Variants in AKAP9 observed in about 807,000 individuals in gnomAD.
The protein encoded by AKAP9 is A-kinase anchor protein 9.
A neutral mutation model predicts 488.5 loss-of-function variants in AKAP9; 311 were observed. That is an observed-to-expected ratio of 0.64 (90% CI 0.58 to 0.70). The LOEUF is 0.70. Ranked by LOEUF, AKAP9 falls within the 30% of genes least tolerant of loss-of-function variation. The pLI is 0.00. For missense variants in AKAP9, 4,215 were observed against 4,374.5 expected, an observed-to-expected ratio of 0.96 and a Z score of 1.03; for synonymous variants, 1,462 against 1,483.5, an observed-to-expected ratio of 0.99 and a Z score of 0.33.
At chr7:92,050,559 T>C (rs2130800960) in intron 21 of AKAP9, among the ~76,000 whole-genome samples, 1 of 152,264 alleles carries the variant, frequency 6.6e-6, no homozygotes, top group East Asian at 1.9e-4. Context: ...CTTGAAGCCG[T>C]CTCTTTTTGT....
chr7:92,052,899 T>A lies in AKAP9; in HGVS notation c.5542T>A (p.Ser1848Thr). ...TGAAGAACTTATGCTGAACATTAGC[T>A]CTCGACTACAAGCAGCAGTTGAAAA... ...ENEELMLNIS[S>T]RLQAAVEKLL... Residue 1848 changes from serine (S) to threonine (T), a missense_variant, in exon 22 of 50, where the codon TCT becomes ACT. This residue lies in a region of AKAP9 where 2,361 missense variants were observed against 2,430.0 expected (regional missense o/e 0.97). Transcript: ENST00000356239. 6.2e-7 allele frequency: 1 copy of A among 1,613,750 alleles called. No individual in the cohort carries two copies. Among genetic ancestry groups the A allele is most frequent in the Non-Finnish European group, 8.5e-7 (1 of 1,179,840 alleles).
intron 45 of AKAP9, among the ~76,000 whole-genome samples, chr7:92,102,178 T>A (rs867484130): frequency 0.015 from 1,996 of 135,658 alleles, 23 homozygotes; most frequent in Middle Eastern, 0.036. Context: ...AAAAAATAAA[T>A]AAATAAATAA....
At chr7:92,099,253 C>T (rs528387015) in intron 43 of AKAP9, among the ~76,000 whole-genome samples, 64 of 152,288 alleles carry the variant, frequency 4.2e-4, no homozygotes, top group African/African-American at 1.3e-3. Context: ...GCATTTCTTA[C>T]CTGGCTGTTG....
At chr7:92,072,728 A>G (rs1472797058) in intron 28 of AKAP9, among the ~76,000 whole-genome samples, 1 of 152,212 alleles carries the variant, frequency 6.6e-6, no homozygotes, top group Non-Finnish European at 1.5e-5. Flanking sequence ...GATACGTTCC[A>G]TAGGTTTTAG....
intron 37 of AKAP9, among the ~76,000 whole-genome samples, chr7:92,086,938 G>A (rs1454308465): frequency 6.6e-6 from 1 of 152,040 alleles, no homozygotes; most frequent in Non-Finnish European, 1.5e-5. Flanking sequence ...TCTCCTTAAG[G>A]CACATCACAG....
rs143041539 is a variant in AKAP9, at chr7:91,961,955, G to A, written c.49-11756G>A. On this transcript the variant is annotated intron_variant, in intron 1 of 49. Transcript: ENST00000356239. ...TTGAGATCCGAACCAGTTTTGAAAG[G>A]CAATTATATATGGACATAATATCTT... is the stretch of plus-strand genomic sequence containing the variant. Among the ~76,000 whole-genome samples, 583 of 151,928 alleles carry A rather than the reference G, an allele frequency of 3.8e-3. 3 individuals carry two copies. The highest frequency in any genetic ancestry group is 0.014 in the African/African-American group (561 of 41,526).
At chr7:92,009,675 A>G (rs928916189) in intron 8 of AKAP9, among the ~76,000 whole-genome samples, 2 of 152,236 alleles carry the variant, frequency 1.3e-5, no homozygotes, top group Non-Finnish European at 2.9e-5. Context: ...CTGGTACAAT[A>G]TTGATACGAA....
At chr7:92,007,589 C>T (rs971111708) in intron 8 of AKAP9, among the ~76,000 whole-genome samples, 1 of 152,178 alleles carries the variant, frequency 6.6e-6, no homozygotes, top group Admixed American at 6.5e-5. Flanking sequence ...TGAAAAGTCT[C>T]ATTTCTGAGT....
chr7:92,025,240 T>G (rs1802927395), intron 14 of AKAP9, among the ~76,000 whole-genome samples: 2 of 152,200 alleles, frequency 1.3e-5, no homozygotes, highest in Admixed American at 1.3e-4. Flanking sequence ...GTCCAAAGCA[T>G]GAAGAAAAGA....
chr7:91,950,522 G>T (rs1157757317), intron 1 of AKAP9, among the ~76,000 whole-genome samples: 3 of 152,192 alleles, frequency 2.0e-5, no homozygotes, highest in Admixed American at 6.5e-5. Flanking sequence ...GAGCCACAAC[G>T]TCCAGGCTAG....
rs762879020 is a variant in AKAP9, at chr7:92,096,940, G to A, written c.9981G>A (p.Gln3327=). Reference sequence around the variant, plus strand: ...AGCGGGAATTGCACGCACAGCTGCAGAGCAGTGATGGTACTGGACAGTCTC... The same window carrying A: ...AGCGGGAATTGCACGCACAGCTGCAAAGCAGTGATGGTACTGGACAGTCTC... ...DRERELHAQL[Q]SSDGTGQSRP... The change falls in exon 41 of 50, where the codon CAG becomes CAA. Residue 3327 remains glutamine, a synonymous_variant. Coordinates refer to ENST00000356239, the MANE Select transcript of AKAP9 (RefSeq NM_005751.5). The A allele has an allele frequency of 6.2e-7, 1 of 1,614,216 alleles. No homozygotes were observed. Among genetic ancestry groups the A allele is most frequent in the South Asian group, 1.1e-5 (1 of 91,088 alleles).
At chr7:92,032,559 G>A (rs1584234898) in intron 16 of AKAP9, among the ~76,000 whole-genome samples, 1 of 150,110 alleles carries the variant, frequency 6.7e-6, no homozygotes, top group Admixed American at 6.6e-5. Context: ...TGCTTTTTTT[G>A]TATAATATTT....
At chr7:92,014,183 G>A (rs1801178360) in intron 9 of AKAP9, 66 bp from the exon 10 acceptor site, 1 of 1,135,386 alleles carries the variant, frequency 8.8e-7, no homozygotes, top group East Asian at 2.4e-5. Flanking sequence ...TGAAACATAA[G>A]TTAAATATGA....
intron 1 of AKAP9, among the ~76,000 whole-genome samples, chr7:91,947,589 C>T (rs1378332768): frequency 6.6e-6 from 1 of 152,190 alleles, no homozygotes; most frequent in Non-Finnish European, 1.5e-5. Context: ...ATCCGTCCAC[C>T]TTGGCCTCCC....
intron 29 of AKAP9, 87 bp from the exon 30 acceptor site, chr7:92,077,609 G>A (rs987544523): frequency 8.0e-5 from 92 of 1,143,884 alleles, no homozygotes; most frequent in South Asian, 3.4e-4. Flanking sequence ...TCATTTGTAC[G>A]TTATAGGCTC....
At chr7:91,993,864 T>C (rs753938795) in intron 5 of AKAP9, among the ~76,000 whole-genome samples, 8 of 152,226 alleles carry the variant, frequency 5.3e-5, no homozygotes, top group Non-Finnish European at 1.0e-4. Flanking sequence ...CATGGTGGCT[T>C]ATGCCTGTAA....
intron 39 of AKAP9, among the ~76,000 whole-genome samples, chr7:92,094,115 T>C (rs1050666481): frequency 3.3e-5 from 5 of 151,996 alleles, no homozygotes; most frequent in African/African-American, 1.2e-4. Flanking sequence ...CCTCCCAAAG[T>C]GCCGGGATTA....
At chr7:92,011,588 A>G (rs1388601065) in intron 8 of AKAP9, among the ~76,000 whole-genome samples, 2 of 152,216 alleles carry the variant, frequency 1.3e-5, no homozygotes, top group Non-Finnish European at 2.9e-5. Flanking sequence ...AATGTATTGC[A>G]TCTGACAGCA....
intron 43 of AKAP9, among the ~76,000 whole-genome samples, chr7:92,098,436 G>A (rs975130519): frequency 6.6e-6 from 1 of 152,126 alleles, no homozygotes; most frequent in Non-Finnish European, 1.5e-5. Context: ...GAATAATTAT[G>A]TTGACCTTTT....
Sources: gnomAD v4.1 joint callset for allele counts (sites outside exome capture counted in the v4.1 genomes callset) on GRCh38, gnomAD v4.1.1 for gene constraint, gnomAD v4.1.1 regional missense constraint, MANE v1.5 for transcripts, NCBI Gene and HGNC (gene_info 2026-07-23, HGNC 2026-07-21) for gene names.